PIK3C2G: variants seen among roughly 807,000 people sequenced by gnomAD.
PIK3C2G encodes phosphatidylinositol 3-kinase C2 domain-containing subunit gamma.
In PIK3C2G, 168 loss-of-function variants were observed where a neutral mutation model predicts 181.1. The ratio of observed to expected loss-of-function variants is 0.93; its 90% CI spans 0.82 to 1.05. PIK3C2G has a LOEUF of 1.05. Among genes scored for constraint, PIK3C2G ranks in the 50% least tolerant of loss-of-function variants. The pLI is 0.00. For synonymous variants in PIK3C2G, 573 were observed against 592.2 expected, an observed-to-expected ratio of 0.97 and a Z score of 0.47; for missense variants, 1,869 against 1,732.8, an observed-to-expected ratio of 1.08 and a Z score of -1.40.
chr12:18,413,254 T>G (rs1459073677), intron 16 of PIK3C2G, among the ~76,000 whole-genome samples: 1 of 152,106 alleles, frequency 6.6e-6, no homozygotes, highest in Non-Finnish European at 1.5e-5. Context: ...TTAGCTCAAC[T>G]TGGAGGCCAA....
intron 18 of PIK3C2G, among the ~76,000 whole-genome samples, chr12:18,435,952 A>G (rs1946420817): frequency 6.6e-6 from 1 of 151,600 alleles, no homozygotes; most frequent in South Asian, 2.1e-4. Flanking sequence ...CAAGATACTT[A>G]GAGCTACAAG....
At chr12:18,468,971 T>C (rs755233075) in intron 18 of PIK3C2G, among the ~76,000 whole-genome samples, 5 of 152,090 alleles carry the variant, frequency 3.3e-5, no homozygotes, top group Middle Eastern at 3.4e-3. Flanking sequence ...AAATATATCT[T>C]AGGGAGAAGA....
At chr12:18,696,039 G>A in the PIK3C2G span, 77,987 of 609,382 alleles carry the variant, frequency 0.13, 5,673 homozygotes, top group Middle Eastern at 0.19. Flanking sequence ...CAAAGCCCCC[G>A]GGCTAAAAAA....
chr12:18,412,713 A>G (rs904194248), intron 16 of PIK3C2G, among the ~76,000 whole-genome samples: 5 of 152,216 alleles, frequency 3.3e-5, no homozygotes, highest in African/African-American at 1.2e-4. Context: ...TATCATTCAC[A>G]TAAACCAAAA....
At position 18,370,724 on chromosome 12, in the gene PIK3C2G, T is replaced by C. The variant is rs186696347; in HGVS notation, c.1749-456T>C. Among the ~76,000 whole-genome samples, 101 of 152,254 alleles carry C rather than the reference T, an allele frequency of 6.6e-4. No homozygotes were observed. In the East Asian group the frequency reaches 0.016, roughly 24 times the overall value. On this transcript the variant is annotated intron_variant, in intron 12 of 32. Coordinates refer to ENST00000538779, the MANE Select transcript of PIK3C2G (RefSeq NM_001288772.2). ...CCATTCACCATTTATCAGACACACCTAGTTGTTCATCCATATATGCCCTTG... is the reference window on the plus strand; with the variant it reads ...CCATTCACCATTTATCAGACACACCCAGTTGTTCATCCATATATGCCCTTG...
chr12:18,719,075 C>T, the PIK3C2G span, among the ~76,000 whole-genome samples: 22 of 152,150 alleles, frequency 1.4e-4, no homozygotes, highest in African/African-American at 4.6e-4. Context: ...TTTAACCATA[C>T]TTATTAAAAT....
intron 26 of PIK3C2G, among the ~76,000 whole-genome samples, chr12:18,557,503 A>T (rs1213730846): frequency 6.6e-6 from 1 of 152,186 alleles, no homozygotes; most frequent in East Asian, 1.9e-4. Flanking sequence ...AATGTCATTA[A>T]CGTATAGCTA....
intron 8 of PIK3C2G, among the ~76,000 whole-genome samples, chr12:18,334,050 C>T (rs752536637): frequency 2.4e-4 from 36 of 152,142 alleles, no homozygotes; most frequent in Non-Finnish European, 4.1e-4. Flanking sequence ...CTTCAAAGTC[C>T]GGGACACATC....
chr12:18,477,806 C>A (rs973564349), intron 18 of PIK3C2G, among the ~76,000 whole-genome samples: 3 of 152,158 alleles, frequency 2.0e-5, no homozygotes, highest in African/African-American at 4.8e-5. Flanking sequence ...TGATTTGAAG[C>A]TGAGGTTCCA....
At chr12:18,400,926 C>G (rs1266065195) in intron 16 of PIK3C2G, among the ~76,000 whole-genome samples, 1 of 151,596 alleles carries the variant, frequency 6.6e-6, no homozygotes, top group African/African-American at 2.4e-5. Flanking sequence ...CAACTTTTTT[C>G]TTTTGTAAGC....
intron 31 of PIK3C2G, among the ~76,000 whole-genome samples, chr12:18,615,064 G>A (rs1031809900): frequency 4.0e-5 from 6 of 151,730 alleles, no homozygotes; most frequent in East Asian, 1.9e-4. Flanking sequence ...GGTGCAATTC[G>A]TCACCCAAGC....
intron 26 of PIK3C2G, among the ~76,000 whole-genome samples, chr12:18,548,054 TCTGA>T (rs1162858973): frequency 6.6e-6 from 1 of 151,956 alleles, no homozygotes; most frequent in Non-Finnish European, 1.5e-5. Flanking sequence ...CTCCTTCCCC[TCTGA>T]CTGTTTAACC....
At chr12:18,438,546 C>A (rs1202457144) in intron 18 of PIK3C2G, among the ~76,000 whole-genome samples, 2 of 151,810 alleles carry the variant, frequency 1.3e-5, no homozygotes, top group South Asian at 4.1e-4. Flanking sequence ...CATTAACTGA[C>A]AACAATTCTT....
chr12:18,657,941 A>T, the PIK3C2G span, among the ~76,000 whole-genome samples: 1 of 152,242 alleles, frequency 6.6e-6, no homozygotes, highest in Middle Eastern at 3.4e-3. Flanking sequence ...CATACAAAGA[A>T]CTGAAGAGAA....
At chr12:18,626,426 G>T (rs1949101917) in intron 31 of PIK3C2G, among the ~76,000 whole-genome samples, 1 of 151,826 alleles carries the variant, frequency 6.6e-6, no homozygotes, top group African/African-American at 2.4e-5. Context: ...CTTTGTGCCT[G>T]GGATAATATT....
chr12:18,335,310 T>C (rs1938424287), intron 8 of PIK3C2G, among the ~76,000 whole-genome samples: 1 of 152,182 alleles, frequency 6.6e-6, no homozygotes, highest in South Asian at 2.1e-4. Flanking sequence ...GCTGAGGATC[T>C]ACATCTAGTC....
At chr12:18,344,148 A>C (rs527610930) in intron 10 of PIK3C2G, among the ~76,000 whole-genome samples, 1 of 152,272 alleles carries the variant, frequency 6.6e-6, no homozygotes, top group Non-Finnish European at 1.5e-5. Flanking sequence ...TACTTGGCAC[A>C]GGAATACTCT....
intron 22 of PIK3C2G, among the ~76,000 whole-genome samples, chr12:18,499,723 C>G (rs921700670): frequency 7.9e-5 from 12 of 152,220 alleles, no homozygotes; most frequent in African/African-American, 2.9e-4. Flanking sequence ...CAAAACGCTG[C>G]TCAGGTGTTT....
intron 31 of PIK3C2G, among the ~76,000 whole-genome samples, chr12:18,634,398 G>T (rs1366638549): frequency 6.6e-6 from 1 of 152,226 alleles, no homozygotes; most frequent in African/African-American, 2.4e-5. Context: ...ATGGAATACT[G>T]TGGTGGATAA....
Sources: gnomAD v4.1 joint callset for allele counts (sites outside exome capture counted in the v4.1 genomes callset) on GRCh38, gnomAD v4.1.1 for gene constraint, MANE v1.5 for transcripts, NCBI Gene and HGNC (gene_info 2026-07-23, HGNC 2026-07-21) for gene names.